Variants in CARD9 observed in about 807,000 individuals in gnomAD.
The protein encoded by CARD9 is caspase recruitment domain family member 9, also known as caspase recruitment domain-containing protein 9.
In CARD9, 53 loss-of-function variants were observed where a neutral mutation model predicts 66.0. That is an observed-to-expected ratio of 0.80 (90% CI 0.64 to 1.01). The LOEUF is 1.01. CARD9 is among the 50% of genes least tolerant of loss of function. CARD9 has a pLI of 0.00. For synonymous variants in CARD9, 387 were observed against 313.8 expected, an observed-to-expected ratio of 1.23 and a Z score of -2.47; for missense variants, 769 against 743.2, an observed-to-expected ratio of 1.03 and a Z score of -0.40.
At position 136,364,492 on chromosome 9, in the gene CARD9, T is replaced by G; in HGVS notation, c.1502A>C (p.Asn501Thr). 6.5e-7 allele frequency: 1 copy of G among 1,539,918 alleles called. No individual in the cohort carries two copies. Among genetic ancestry groups the G allele is most frequent in the Non-Finnish European group, 8.7e-7 (1 of 1,146,808 alleles). Residue 501 changes from asparagine to threonine, a missense_variant, in exon 12 of 13, where the codon AAC (asparagine) becomes ACC (threonine). Transcript: ENST00000371732. ...ERRRLKESFE[N>T]YRRKRALRKM... ...GGGGCCGCCCGCCTACCTGCGGTAG[T>G]TCTCAAAACTCTCTTTGAGGCGCCG...
At chr9:136,368,418 C>T (rs1833178726) in intron 7 of CARD9, among the ~76,000 whole-genome samples, 1 of 152,252 alleles carries the variant, frequency 6.6e-6, no homozygotes, top group Non-Finnish European at 1.5e-5. Context: ...TGGATCTGCC[C>T]TTTTCCCCTG....
At chr9:136,366,735 G>T in intron 10 of CARD9, 65 bp downstream of exon 10, 1 of 1,557,136 alleles carries the variant, frequency 6.4e-7, no homozygotes, top group Non-Finnish European at 8.9e-7. Context: ...GGCTGCCTGT[G>T]CTGAAGATGG....
Position 136,370,925 on chromosome 9 carries a change from C to T in CARD9, c.543G>A (p.Glu181=). The part of the protein sequence containing the change: ...GSRELKRCKE[E]NYDLAMRLAH... Reference sequence around the variant, plus strand: ...CCAGGCGCATGGCCAGGTCGTAGTTCTCCTCCTTGCAGCGCTTGAGCTCGC... The same window carrying T: ...CCAGGCGCATGGCCAGGTCGTAGTTTTCCTCCTTGCAGCGCTTGAGCTCGC... The change falls in exon 4 of 13, where the codon GAG becomes GAA. Residue 181 remains glutamate, a synonymous_variant. Transcript: ENST00000371732. 1 of 1,612,398 alleles carries T rather than the reference C, an allele frequency of 6.2e-7. No homozygotes were observed. The highest frequency in any genetic ancestry group is 8.5e-7 in the Non-Finnish European group (1 of 1,179,788).
At chr9:136,367,280 G>A (rs1447304071) in intron 8 of CARD9, 23 bp from the exon 9 acceptor site, 1 of 1,612,014 alleles carries the variant, frequency 6.2e-7, no homozygotes, top group Non-Finnish European at 8.5e-7. Context: ...AAAATGGGGT[G>A]GGTGGGCTGT....
Position 136,373,577 on chromosome 9 carries a change from C to A in CARD9, c.-62G>T. 17 of 984,824 alleles carry A rather than the reference C, an allele frequency of 1.7e-5. No homozygotes were observed. The highest frequency in any genetic ancestry group is 1.9e-5 in the Non-Finnish European group (16 of 830,146). The allele number at this position is 984,824 out of a possible 1,614,324, so 61.0% of individuals were successfully genotyped here. ...ACCTGCACTGCAGACACACCAGGAG[C>A]CTGGGCCGCGGAGCCTCTGGGAGAT... On this transcript the variant is annotated 5_prime_UTR_variant, in exon 1 of 13. Transcript: ENST00000371732.
chr9:136,371,403 C>T lies in CARD9; in HGVS notation c.243G>A (p.Glu81=). The change falls in exon 3 of 13, where the codon GAG becomes GAA. Residue 81 remains glutamate, a synonymous_variant. Coordinates refer to ENST00000371732, the MANE Select transcript of CARD9 (RefSeq NM_052813.5). ...TGHKGYVAFL[E]SLELYYPQLY... ...GCTGCGGGTAGTAGAGCTCCAGGCT[C>T]TCGAGGAAGGCCACGTAGCCCTTGT... The T allele has an allele frequency of 6.3e-7, 1 of 1,593,996 alleles. No individual in the cohort carries two copies. The highest frequency in any genetic ancestry group is 8.5e-7 in the Non-Finnish European group (1 of 1,170,404).
chr9:136,365,526 C>A (rs1342990314), intron 10 of CARD9: 5 of 504,492 alleles, frequency 9.9e-6, no homozygotes, highest in Non-Finnish European at 1.8e-5. Flanking sequence ...GGAACTTAAA[C>A]CCTGGGCCTG....
intron 8 of CARD9, 170 bp downstream of exon 8, chr9:136,367,467 G>A (rs1833150318): frequency 1.0e-6 from 1 of 956,964 alleles, no homozygotes; most frequent in African/African-American, 1.6e-5. Flanking sequence ...TTCCTGCTGG[G>A]ACCCTGAACT....
chr9:136,368,960 C>T (rs1833191555), intron 7 of CARD9, among the ~76,000 whole-genome samples: 1 of 152,196 alleles, frequency 6.6e-6, no homozygotes, highest in Non-Finnish European at 1.5e-5. Context: ...GCTGGGATTA[C>T]AGGCGCCCGG....
At chr9:136,371,749 T>G (rs940397530) in intron 2 of CARD9, 146 bp downstream of exon 2, 4 of 1,362,496 alleles carry the variant, frequency 2.9e-6, no homozygotes, top group Non-Finnish European at 2.0e-6. Flanking sequence ...CGTGCCAGGG[T>G]TGAGGTTGGG....
chr9:136,371,551 C>T (rs1455598577), intron 2 of CARD9, 90 bp from the exon 3 acceptor site: 1 of 1,508,576 alleles, frequency 6.6e-7, no homozygotes, highest in Non-Finnish European at 8.9e-7. Flanking sequence ...CAGGTGGAGG[C>T]TGGCATGCAG....
intron 10 of CARD9, 140 bp downstream of exon 10, chr9:136,366,660 C>G (rs1833131236): frequency 1.1e-6 from 1 of 925,384 alleles, no homozygotes; most frequent in Non-Finnish European, 1.7e-6. Flanking sequence ...TTTACTTATC[C>G]CCAGCCCCAG....
intron 6 of CARD9, 92 bp from the exon 7 acceptor site, chr9:136,369,967 G>T (rs180714639): frequency 5.4e-5 from 85 of 1,583,604 alleles, no homozygotes; most frequent in Non-Finnish European, 6.7e-5. Flanking sequence ...GAAGCATGTG[G>T]TCAGGCCAGT....
At position 136,367,835 on chromosome 9, in the gene CARD9, G is replaced by A. The variant is rs1233364498; in HGVS notation, c.1078-7C>T. ...CCTCCCGCGTGGCTATGGCCTGACG[G>A]GACAGCACAAGGCCGACCCTCAGTG... is the stretch of plus-strand genomic sequence containing the variant. On this transcript the variant is annotated splice_region_variant and splice_polypyrimidine_tract_variant and intron_variant, in intron 7 of 12. Coordinates refer to ENST00000371732, the MANE Select transcript of CARD9 (RefSeq NM_052813.5). 2.5e-6 allele frequency: 4 copies of A among 1,596,884 alleles called. No homozygotes were observed. Among genetic ancestry groups the A allele is most frequent in the Admixed American group, 1.7e-5 (1 of 59,794 alleles).
intron 10 of CARD9, chr9:136,366,576 A>G (rs915811312): frequency 2.0e-4 from 122 of 596,558 alleles, no homozygotes; most frequent in Non-Finnish European, 3.2e-4. Context: ...ACCCCAGGGG[A>G]CACTTGTCCC....
At chr9:136,369,163 C>T (rs1181024707) in intron 7 of CARD9, among the ~76,000 whole-genome samples, 1 of 152,040 alleles carries the variant, frequency 6.6e-6, no homozygotes, top group East Asian at 1.9e-4. Context: ...ACCGTGTTGC[C>T]CAGGCTGCTC....
At position 136,370,692 on chromosome 9, in the gene CARD9, G is replaced by A. The variant is rs1460589648; in HGVS notation, c.637C>T (p.Leu213Phe). 8.7e-6 allele frequency: 14 copies of A among 1,612,620 alleles called. 1 individual carries two copies. Among genetic ancestry groups the A allele is most frequent in the South Asian group, 2.2e-5 (2 of 91,090 alleles). Residue 213 changes from leucine (L) to phenylalanine (F), a missense_variant, in exon 5 of 13, where the codon CTC becomes TTC. By Grantham distance (22) the Leu-to-Phe change is conservative. Transcript: ENST00000371732. ...TCGGCCTTCATGAGGCTGTGCTTGA[G>A]CTGGTCAATCTGCAGAAGGTCCAGT... Reference protein sequence around the residue: ...NRDLQLEIDQLKHSLMKAEDD... With the variant: ...NRDLQLEIDQFKHSLMKAEDD...
At chr9:136,372,804 C>T (rs991619838) in intron 1 of CARD9, among the ~76,000 whole-genome samples, 7 of 152,248 alleles carry the variant, frequency 4.6e-5, no homozygotes, top group Non-Finnish European at 7.3e-5. Context: ...CACCCCCTGC[C>T]GGCCCCGCAA....
Position 136,364,148 on chromosome 9 carries a change from G to A in CARD9, c.*154C>T. ...GCTTAACAAACGGCCCCAATGCCCGGCAGTCCGGCTGGGCCTTTCAGGGCA... is the reference window on the plus strand; with the variant it reads ...GCTTAACAAACGGCCCCAATGCCCGACAGTCCGGCTGGGCCTTTCAGGGCA... On this transcript the variant is annotated 3_prime_UTR_variant, in exon 13 of 13. Transcript: ENST00000371732. 1.3e-6 allele frequency: 2 copies of A among 1,550,560 alleles called. No individual in the cohort carries two copies. Among genetic ancestry groups the A allele is most frequent in the Non-Finnish European group, 1.7e-6 (2 of 1,146,868 alleles).
Sources: allele counts gnomAD v4.1 joint callset (sites outside exome capture counted in the v4.1 genomes callset), GRCh38; gene constraint gnomAD v4.1.1; transcripts MANE v1.5; gene names NCBI Gene and HGNC (gene_info 2026-07-23, HGNC 2026-07-21).